ZSWIM6: variants seen among roughly 807,000 people sequenced by gnomAD.
ZSWIM6 encodes the protein zinc finger SWIM-type containing 6.
In ZSWIM6, 9 loss-of-function variants were observed where a neutral mutation model predicts 113.2. That is an observed-to-expected ratio of 0.08 (90% CI 0.05 to 0.14). The LOEUF (loss-of-function observed/expected upper bound fraction) is 0.14. Ranked by LOEUF, ZSWIM6 falls within the 10% of genes least tolerant of loss-of-function variation. The pLI is 1.00. For missense variants in ZSWIM6, 1,162 were observed against 1,552.2 expected, an observed-to-expected ratio of 0.75 and a Z score of 4.22; for synonymous variants, 611 against 606.5, an observed-to-expected ratio of 1.01 and a Z score of -0.11.
intron 1 of ZSWIM6, among the ~76,000 whole-genome samples, chr5:61,380,548 G>A (rs930310564): frequency 7.2e-5 from 11 of 152,294 alleles, no homozygotes; most frequent in South Asian, 4.1e-4. Context: ...TGGTATCAGC[G>A]TCAGCATTCA....
At chr5:61,506,067 A>G (rs1023067197) in intron 4 of ZSWIM6, among the ~76,000 whole-genome samples, 7 of 152,002 alleles carry the variant, frequency 4.6e-5, no homozygotes, top group African/African-American at 1.7e-4. Flanking sequence ...TTCCTTGACA[A>G]CAAAAATTTG....
At chr5:61,357,023 A>T (rs1260019842) in intron 1 of ZSWIM6, among the ~76,000 whole-genome samples, 1 of 151,816 alleles carries the variant, frequency 6.6e-6, no homozygotes, top group Non-Finnish European at 1.5e-5. Context: ...CCGGTTCAAT[A>T]GCATCATCAT....
rs1388052709 is a variant in ZSWIM6, at chr5:61,442,640, C to T, written c.677-30041C>T. Among the ~76,000 whole-genome samples, 3 of 152,310 alleles carry T rather than the reference C, an allele frequency of 2.0e-5. No individual in the cohort carries two copies. The East Asian group carries it at 5.8e-4, about 29-fold the overall frequency. On this transcript the variant is annotated intron_variant, in intron 1 of 13. Transcript: ENST00000252744. ...GTCTACACAGGCTCTCCTAAATTGG[C>T]TTTGCTGGAACCTATCACAAGGCCA...
rs888464367 is a variant in ZSWIM6, at chr5:61,526,413, T to C, written c.1837+17T>C. On this transcript the variant is annotated intron_variant, in intron 7 of 13. Transcript: ENST00000252744. Reference sequence around the variant, plus strand: ...AAAAAAAAGGTGAATGTGAAGGAGTTTGTTTCCATTGGAATGGGATTCTTA... The same window carrying C: ...AAAAAAAAGGTGAATGTGAAGGAGTCTGTTTCCATTGGAATGGGATTCTTA... 1 of 1,551,540 alleles carries C rather than the reference T, an allele frequency of 6.4e-7. No individual in the cohort carries two copies. The highest frequency in any genetic ancestry group is 1.4e-5 in the African/African-American group (1 of 73,000).
chr5:61,356,137 G>C (rs1415760004), intron 1 of ZSWIM6, among the ~76,000 whole-genome samples: 1 of 152,294 alleles, frequency 6.6e-6, no homozygotes, highest in East Asian at 1.9e-4. Context: ...GCCTTGCTCT[G>C]TTGTCCAAGC....
intron 1 of ZSWIM6, chr5:61,375,438 A>C (rs1227042864): frequency 6.6e-7 from 1 of 1,522,412 alleles, no homozygotes; most frequent in East Asian, 2.4e-5. Context: ...CTTCTTCTTC[A>C]TCAAGCTCTG....
At chr5:61,333,442 C>T (rs1035637215) in intron 1 of ZSWIM6, among the ~76,000 whole-genome samples, 8 of 151,802 alleles carry the variant, frequency 5.3e-5, no homozygotes, top group Admixed American at 1.3e-4. Flanking sequence ...GCTCCTTTTT[C>T]TTTCTGGCCC....
chr5:61,535,687 G>T, intron 10 of ZSWIM6, 68 bp downstream of exon 10: 1 of 1,520,196 alleles, frequency 6.6e-7, no homozygotes, highest in South Asian at 1.2e-5. Context: ...GCTGTTAACT[G>T]ACTTACTCCT....
At chr5:61,349,427 T>A (rs1744737489) in intron 1 of ZSWIM6, among the ~76,000 whole-genome samples, 1 of 152,186 alleles carries the variant, frequency 6.6e-6, no homozygotes, top group Admixed American at 6.5e-5. Context: ...ATTCTCTTAA[T>A]TGAAAAAAAT....
chr5:61,352,388 T>C (rs1744807333), intron 1 of ZSWIM6, among the ~76,000 whole-genome samples: 1 of 152,254 alleles, frequency 6.6e-6, no homozygotes, highest in South Asian at 2.1e-4. Context: ...TGGCTATCAG[T>C]ATAACCATTT....
chr5:61,466,641 GTT>G, intron 1 of ZSWIM6, among the ~76,000 whole-genome samples: 1 of 152,124 alleles, frequency 6.6e-6, no homozygotes, highest in Admixed American at 6.6e-5. Flanking sequence ...ATGTCTGCCA[GTT>G]TATTTTAGCT....
At chr5:61,505,862 T>TTAG (rs1436203001) in intron 4 of ZSWIM6, among the ~76,000 whole-genome samples, 1 of 151,706 alleles carries the variant, frequency 6.6e-6, no homozygotes, top group East Asian at 1.9e-4. Flanking sequence ...CACTCCTGCC[T>TTAG]CAGCTTCCTT....
intron 1 of ZSWIM6, among the ~76,000 whole-genome samples, chr5:61,398,768 A>G (rs1388345579): frequency 6.6e-6 from 1 of 152,178 alleles, no homozygotes; most frequent in African/African-American, 2.4e-5. Context: ...AGTTCTGAGA[A>G]TAAATTTCTC....
At chr5:61,463,386 G>A (rs1747357013) in intron 1 of ZSWIM6, among the ~76,000 whole-genome samples, 1 of 152,076 alleles carries the variant, frequency 6.6e-6, no homozygotes, top group Admixed American at 6.5e-5. Flanking sequence ...AATATATCTT[G>A]GCTAGAAAAG....
intron 1 of ZSWIM6, among the ~76,000 whole-genome samples, chr5:61,380,920 G>A (rs1253548965): frequency 2.7e-5 from 4 of 150,130 alleles, no homozygotes; most frequent in East Asian, 1.9e-4. Flanking sequence ...GCAACATGGC[G>A]ACACGCAGTT....
At chr5:61,514,535 G>A (rs1285885011) in intron 4 of ZSWIM6, among the ~76,000 whole-genome samples, 1 of 151,978 alleles carries the variant, frequency 6.6e-6, no homozygotes, top group Admixed American at 6.6e-5. Flanking sequence ...ATCAGGTTAA[G>A]GAAGTTCGCT....
intron 4 of ZSWIM6, among the ~76,000 whole-genome samples, chr5:61,510,989 G>A (rs535416584): frequency 2.0e-5 from 3 of 152,080 alleles, no homozygotes; most frequent in Non-Finnish European, 2.9e-5. Flanking sequence ...TGTTTCAGGC[G>A]TATTGAAGGG....
chr5:61,422,221 T>A (rs1319447103), intron 1 of ZSWIM6, among the ~76,000 whole-genome samples: 1 of 152,230 alleles, frequency 6.6e-6, no homozygotes, highest in African/African-American at 2.4e-5. Flanking sequence ...AAGTGTTTAA[T>A]CCATTTTGAT....
chr5:61,399,513 A>C (rs1452757393), intron 1 of ZSWIM6, among the ~76,000 whole-genome samples: 1 of 152,130 alleles, frequency 6.6e-6, no homozygotes, highest in Non-Finnish European at 1.5e-5. Flanking sequence ...CAGAAGGTTT[A>C]AGCACAGTGA....
Sources: gnomAD v4.1 joint callset for allele counts (sites outside exome capture counted in the v4.1 genomes callset) on GRCh38, gnomAD v4.1.1 for gene constraint, MANE v1.5 for transcripts, NCBI Gene and HGNC (gene_info 2026-07-23, HGNC 2026-07-21) for gene names.